SRP54: variants seen among roughly 807,000 people sequenced by gnomAD.
SRP54 encodes the protein signal recognition particle subunit SRP54.
A neutral mutation model predicts 64.8 loss-of-function variants in SRP54; 10 were observed. The ratio of observed to expected loss-of-function variants is 0.15; its 90% CI spans 0.10 to 0.26. The LOEUF (loss-of-function observed/expected upper bound fraction) is 0.26, where lower values mean the gene tolerates loss of function less well. Ranked by LOEUF, SRP54 falls within the 10% of genes least tolerant of loss-of-function variation. SRP54 has a pLI of 1.00. For synonymous variants in SRP54, 193 were observed against 185.6 expected (o/e 1.04, Z -0.32); for missense variants, 325 against 613.7 (o/e 0.53, Z 4.97).
chr14:34,991,578 A>AT (rs2043980469), intron 1 of SRP54, among the ~76,000 whole-genome samples: 1 of 151,786 alleles, frequency 6.6e-6, no homozygotes, highest in Non-Finnish European at 1.5e-5. Flanking sequence ...GAGAAATGGC[A>AT]TCTGGACAAA....
Position 35,018,549 on chromosome 14 carries a change from A to G in SRP54, c.974-143A>G, listed in dbSNP as rs547746339. The G allele has an allele frequency of 6.8e-5, 45 of 658,574 alleles. No individual in the cohort carries two copies. In the South Asian group the frequency reaches 8.5e-4, roughly 12 times the overall value. 40.8% of individuals were successfully genotyped at this position (658,574 alleles called of 1,614,324 possible). A position where few individuals can be genotyped will look rare whatever the true frequency, so the allele number is the denominator to read the frequency against. On this transcript the variant is annotated intron_variant, in intron 11 of 15. Coordinates refer to ENST00000216774, the MANE Select transcript of SRP54 (RefSeq NM_003136.4). ...CAGCATTCATCCTGTCATCTTGCAC[A>G]TGGTAACTGCTTGGTGAATATTTAT...
intron 1 of SRP54, among the ~76,000 whole-genome samples, chr14:34,985,759 C>G (rs537901299): frequency 2.6e-5 from 4 of 152,140 alleles, no homozygotes; most frequent in South Asian, 2.1e-4. Context: ...ACATAAATGT[C>G]TTGTTTTGCA....
At chr14:34,993,609 T>G (rs1378871157) in intron 1 of SRP54, among the ~76,000 whole-genome samples, 2 of 152,176 alleles carry the variant, frequency 1.3e-5, no homozygotes, top group Non-Finnish European at 2.9e-5. Flanking sequence ...CTTCCTGCCT[T>G]TTTATGATTC....
chr14:35,013,242 A>G lies in SRP54; in HGVS notation c.637-104A>G, dbSNP rs2383691. 400,624 of 1,108,704 alleles carry G rather than the reference A, an allele frequency of 0.36. 76,754 individuals carry two copies. The highest frequency in any genetic ancestry group is 0.73 in the East Asian group (28,162 of 38,744). 68.7% of individuals were successfully genotyped at this position (1,108,704 alleles called of 1,614,324 possible). On this transcript the variant is annotated intron_variant, in intron 8 of 15. Coordinates refer to ENST00000216774, the MANE Select transcript of SRP54 (RefSeq NM_003136.4). ...AGTGCTGGGATTACAGGCATGAGCCACTGCACCTGGCTCTAAATATTGTTT... is the reference window on the plus strand; with the variant it reads ...AGTGCTGGGATTACAGGCATGAGCCGCTGCACCTGGCTCTAAATATTGTTT...
At chr14:34,988,560 C>CAAAAAAAAAAAAA (rs1160365086) in intron 1 of SRP54, among the ~76,000 whole-genome samples, 5 of 26,360 alleles carry the variant, frequency 1.9e-4, no homozygotes, top group African/African-American at 3.2e-4. Context: ...GACTCCATCT[C>CAAAAAAAAAAAAA]AAAAAAAAAA....
Position 35,011,632 on chromosome 14 carries a change from A to G in SRP54, c.609A>G (p.Glu203=). The change falls in exon 8 of 16, where the codon GAA becomes GAG. Residue 203 remains glutamate (E), a synonymous_variant. Coordinates refer to ENST00000216774, the MANE Select transcript of SRP54 (RefSeq NM_003136.4). ...GRHKQEDSLF[E]EMLQVANAIQ... The stretch of plus-strand genomic sequence containing the variant: ...ACAAACAAGAAGACTCTTTGTTTGA[A>G]GAAATGCTTCAAGTTGCTAATGCTA... 6.3e-7 allele frequency: 1 copy of G among 1,583,524 alleles called. No homozygotes were observed. Among genetic ancestry groups the G allele is most frequent in the Non-Finnish European group, 8.6e-7 (1 of 1,161,520 alleles).
chr14:34,995,596 T>G (rs2044060587), intron 1 of SRP54, among the ~76,000 whole-genome samples: 1 of 152,142 alleles, frequency 6.6e-6, no homozygotes, highest in Non-Finnish European at 1.5e-5. Flanking sequence ...CTTGCATCCT[T>G]ACAAGTAGTA....
At position 35,005,900 on chromosome 14, in the gene SRP54, C is replaced by T. The variant is rs193064353; in HGVS notation, c.256-1383C>T. ...TGTCACCCAGGCTGGAGTGCGGTGG[C>T]GCGATCTCGGCTCACTGCAAGCTCC... On this transcript the variant is annotated intron_variant, in intron 4 of 15. Transcript: ENST00000216774. 5.2e-3 allele frequency among the ~76,000 whole-genome samples: 787 copies of T among 152,044 alleles called. 9 individuals carry two copies. The highest frequency in any genetic ancestry group is 0.018 in the African/African-American group (748 of 41,464).
At chr14:35,011,734 C>G (rs1344305364) in intron 8 of SRP54, 75 bp downstream of exon 8, 3 of 1,276,058 alleles carry the variant, frequency 2.4e-6, no homozygotes, top group Non-Finnish European at 3.1e-6. Flanking sequence ...GAGTATATGA[C>G]CAATATAAAT....
At chr14:34,989,527 A>G (rs1020329390) in intron 1 of SRP54, among the ~76,000 whole-genome samples, 2 of 152,186 alleles carry the variant, frequency 1.3e-5, no homozygotes, top group Non-Finnish European at 2.9e-5. Flanking sequence ...GACATAGCTA[A>G]TCATTAGACT....
At chr14:35,013,555 TA>T (rs1218366330) in intron 9 of SRP54, 61 bp downstream of exon 9, 9 of 1,512,342 alleles carry the variant, frequency 6.0e-6, no homozygotes, top group Non-Finnish European at 8.1e-6. Flanking sequence ...GATATGTGTT[TA>T]TAGCTTTCAT....
Position 35,011,580 on chromosome 14 carries a change from T to C in SRP54, c.557T>C (p.Ile186Thr). The change falls in exon 8 of 16, where the codon ATT becomes ACT. Residue 186 changes from isoleucine (I) to threonine (T), a missense_variant. Ile to Thr is a moderately conservative substitution (Grantham distance 89). Coordinates refer to ENST00000216774, the MANE Select transcript of SRP54 (RefSeq NM_003136.4). ...VEKFKNENFE[I>T]IIVDTSGRHK... Reference sequence around the variant, plus strand: ...AAATTTAAAAATGAAAATTTTGAAATTATTATTGTTGATACAAGTGGCCGC... The same window carrying C: ...AAATTTAAAAATGAAAATTTTGAAACTATTATTGTTGATACAAGTGGCCGC... The C allele has an allele frequency of 4.4e-6, 7 of 1,587,376 alleles. No individual in the cohort carries two copies. The highest frequency in any genetic ancestry group is 6.0e-6 in the Non-Finnish European group (7 of 1,163,386).
At chr14:34,995,134 G>GGGGTGTGTGT (rs772142089) in intron 1 of SRP54, among the ~76,000 whole-genome samples, 1 of 70,324 alleles carries the variant, frequency 1.4e-5, no homozygotes, top group African/African-American at 5.0e-5. Context: ...ATCAATAAAG[G>GGGGTGTGTGT]GTGTGTGTGT....
chr14:34,988,266 A>G (rs1234406223), intron 1 of SRP54, among the ~76,000 whole-genome samples: 1 of 151,958 alleles, frequency 6.6e-6, no homozygotes, highest in Non-Finnish European at 1.5e-5. Context: ...ATTAGTCATT[A>G]AAATATATTT....
At chr14:35,021,923 T>A (rs948778466) in intron 13 of SRP54, among the ~76,000 whole-genome samples, 1 of 152,188 alleles carries the variant, frequency 6.6e-6, no homozygotes, top group African/African-American at 2.4e-5. Context: ...TGAGATTGCA[T>A]GCAACTGAAG....
At chr14:35,010,692 G>A (rs950471869) in intron 7 of SRP54, among the ~76,000 whole-genome samples, 2 of 151,936 alleles carry the variant, frequency 1.3e-5, no homozygotes, top group African/African-American at 2.4e-5. Flanking sequence ...TTGAACCCAG[G>A]AGGCAGAAGT....
chr14:34,996,067 A>G (rs1489211036), intron 1 of SRP54, among the ~76,000 whole-genome samples: 1 of 149,666 alleles, frequency 6.7e-6, no homozygotes, highest in African/African-American at 2.4e-5. Context: ...CCTGTCTCAA[A>G]AAAAAAAAAA....
chr14:35,020,433 C>T (rs752774408), intron 13 of SRP54, among the ~76,000 whole-genome samples: 2 of 152,278 alleles, frequency 1.3e-5, no homozygotes, highest in South Asian at 4.1e-4. Flanking sequence ...CGATGCTGTT[C>T]GATAGCATTT....
In SRP54 at chr14:35,029,289, G is replaced by C. The variant is rs898735055; in HGVS notation, c.*137G>C. 1.9e-6 allele frequency: 1 copy of C among 521,368 alleles called. No individual in the cohort carries two copies. The highest frequency in any genetic ancestry group is 3.1e-5 in the South Asian group (1 of 32,088). The allele number at this position is 521,368 out of a possible 1,614,324, so 32.3% of individuals were successfully genotyped here. ...GCACTCTTTCCTTTTCTTCTCGCCC[G>C]CTTTTCCCCTCCTTTTCTTTTTCCT... On this transcript the variant is annotated 3_prime_UTR_variant, in exon 16 of 16. Transcript: ENST00000216774.
Sources: gnomAD v4.1 joint callset for allele counts (sites outside exome capture counted in the v4.1 genomes callset) on GRCh38, gnomAD v4.1.1 for gene constraint, MANE v1.5 for transcripts, NCBI Gene and HGNC (gene_info 2026-07-23, HGNC 2026-07-21) for gene names.